NDUFS4: variants seen among roughly 807,000 people sequenced by gnomAD.
The protein encoded by NDUFS4 is NADH dehydrogenase [ubiquinone] iron-sulfur protein 4, mitochondrial.
NDUFS4 carries 28 observed loss-of-function variants against 24.3 expected under a neutral mutation model. The ratio of observed to expected loss-of-function variants is 1.15; its 90% CI spans 0.85 to 1.58. The LOEUF is 1.58. Ranked by LOEUF, NDUFS4 falls within the 40% of genes most tolerant of loss-of-function variation. The probability of loss-of-function intolerance (pLI) is 0.00; values close to 1 mark genes in which losing one functional copy is unlikely to be tolerated. For synonymous variants in NDUFS4, 93 were observed against 69.7 expected, an observed-to-expected ratio of 1.34 and a Z score of -1.67; for missense variants, 223 against 207.9, an observed-to-expected ratio of 1.07 and a Z score of -0.45.
intron 3 of NDUFS4, among the ~76,000 whole-genome samples, chr5:53,647,848 G>A (rs1431152502): frequency 1.3e-5 from 2 of 152,104 alleles, no homozygotes; most frequent in Non-Finnish European, 2.9e-5. Context: ...GAAAACATCT[G>A]TCATGTTGCA....
chr5:53,648,840 A>AT (rs998900691), intron 3 of NDUFS4, among the ~76,000 whole-genome samples: 28 of 151,486 alleles, frequency 1.8e-4, no homozygotes, highest in East Asian at 1.4e-3. Flanking sequence ...CTTTGAGACC[A>AT]TTTTTTTTTC....
intron 4 of NDUFS4, among the ~76,000 whole-genome samples, chr5:53,681,081 A>G (rs1041732093): frequency 6.6e-6 from 1 of 152,134 alleles, no homozygotes; most frequent in Non-Finnish European, 1.5e-5. Flanking sequence ...ATGGAAATTT[A>G]TATAGAGACA....
rs192094448 is a variant in NDUFS4, at chr5:53,583,098, C to G, written c.99-20354C>G. 2.6e-5 allele frequency among the ~76,000 whole-genome samples: 4 copies of G among 152,152 alleles called. No homozygotes were observed. In the East Asian group the frequency reaches 5.8e-4, roughly 22 times the overall value. On this transcript the variant is annotated intron_variant, in intron 1 of 4. Transcript: ENST00000296684. ...TTCACTGTGTTAGCCAGGATGGTCT[C>G]GATTTCCTGACCTCATGATCCGCCC... is the stretch of plus-strand genomic sequence containing the variant.
chr5:53,680,841 A>T (rs921874703), intron 4 of NDUFS4, among the ~76,000 whole-genome samples: 1 of 152,064 alleles, frequency 6.6e-6, no homozygotes, highest in Non-Finnish European at 1.5e-5. Flanking sequence ...AACTTAGTAT[A>T]ATAATAATAA....
intron 1 of NDUFS4, among the ~76,000 whole-genome samples, chr5:53,587,184 A>T (rs1178668461): frequency 6.6e-6 from 1 of 151,990 alleles, no homozygotes; most frequent in African/African-American, 2.4e-5. Context: ...CTGCTCATTT[A>T]CCACTGCTTA....
intron 1 of NDUFS4, among the ~76,000 whole-genome samples, chr5:53,575,155 G>A (rs577685294): frequency 1.3e-5 from 2 of 152,280 alleles, no homozygotes; most frequent in East Asian, 1.9e-4. Flanking sequence ...CCTTGAGGCC[G>A]AGTGCTTCTG....
intron 2 of NDUFS4, among the ~76,000 whole-genome samples, chr5:53,610,369 A>G (rs1432271183): frequency 1.3e-5 from 2 of 152,112 alleles, no homozygotes; most frequent in Non-Finnish European, 2.9e-5. Context: ...CAAAACAATT[A>G]CAATAGTAAC....
chr5:53,674,924 T>A (rs1740406675), intron 4 of NDUFS4, among the ~76,000 whole-genome samples: 1 of 152,044 alleles, frequency 6.6e-6, no homozygotes, highest in African/African-American at 2.4e-5. Context: ...TAAACCAAAA[T>A]TATTAGTCTT....
chr5:53,676,498 C>G (rs200596224), intron 4 of NDUFS4, among the ~76,000 whole-genome samples: 2 of 152,150 alleles, frequency 1.3e-5, no homozygotes, highest in African/African-American at 4.8e-5. Context: ...CACTATAACT[C>G]ATGCCTAAAC....
At chr5:53,631,576 G>A (rs575258967) in intron 2 of NDUFS4, among the ~76,000 whole-genome samples, 83 of 152,310 alleles carry the variant, frequency 5.4e-4, no homozygotes, top group African/African-American at 1.9e-3. Context: ...GTTCGGTGAT[G>A]CCCTGCCCAT....
chr5:53,567,501 T>C (rs1455345161), intron 1 of NDUFS4, among the ~76,000 whole-genome samples: 1 of 152,214 alleles, frequency 6.6e-6, no homozygotes, highest in African/African-American at 2.4e-5. Context: ...GGACTTTTCA[T>C]AGGTGACTTA....
intron 2 of NDUFS4, among the ~76,000 whole-genome samples, chr5:53,627,199 G>A (rs140672329): frequency 7.4e-4 from 112 of 152,208 alleles, no homozygotes; most frequent in Non-Finnish European, 1.4e-3. Context: ...GTAGATATGT[G>A]GGGTTGTTTC....
chr5:53,676,021 A>G (rs1740455630), intron 4 of NDUFS4, among the ~76,000 whole-genome samples: 1 of 152,228 alleles, frequency 6.6e-6, no homozygotes, highest in Non-Finnish European at 1.5e-5. Context: ...TTCCAGAAAA[A>G]GATACATTGA....
intron 3 of NDUFS4, among the ~76,000 whole-genome samples, chr5:53,653,633 C>A (rs987934834): frequency 2.6e-5 from 4 of 152,012 alleles, no homozygotes; most frequent in Non-Finnish European, 5.9e-5. Flanking sequence ...CTTTTCCTCC[C>A]CTGCTTACTA....
At chr5:53,633,949 TG>T (rs1025442277) in intron 2 of NDUFS4, among the ~76,000 whole-genome samples, 4 of 152,208 alleles carry the variant, frequency 2.6e-5, no homozygotes, top group African/African-American at 9.6e-5. Flanking sequence ...AAACACCACT[TG>T]GGATTTTGAT....
chr5:53,569,623 A>G (rs968772118), intron 1 of NDUFS4, among the ~76,000 whole-genome samples: 2 of 152,176 alleles, frequency 1.3e-5, no homozygotes, highest in Non-Finnish European at 1.5e-5. Context: ...CAGAAAACAC[A>G]CTATACGTTT....
intron 3 of NDUFS4, among the ~76,000 whole-genome samples, chr5:53,651,110 C>T (rs1443480186): frequency 6.6e-6 from 1 of 152,040 alleles, no homozygotes; most frequent in East Asian, 1.9e-4. Context: ...TGTTTTGAAT[C>T]TTGAATAATT....
At chr5:53,575,116 T>A (rs1188855791) in intron 1 of NDUFS4, among the ~76,000 whole-genome samples, 1 of 152,220 alleles carries the variant, frequency 6.6e-6, no homozygotes, top group East Asian at 1.9e-4. Context: ...TTTCTATCAT[T>A]TCTCTGAGCA....
intron 1 of NDUFS4, among the ~76,000 whole-genome samples, chr5:53,576,885 T>C (rs559558530): frequency 3.6e-4 from 55 of 152,324 alleles, no homozygotes; most frequent in African/African-American, 1.3e-3. Context: ...TGTATTTCTT[T>C]TCTAGCTTCA....
Sources: gnomAD v4.1 joint callset for allele counts (sites outside exome capture counted in the v4.1 genomes callset) on GRCh38, gnomAD v4.1.1 for gene constraint, MANE v1.5 for transcripts, NCBI Gene and HGNC (gene_info 2026-07-23, HGNC 2026-07-21) for gene names.